Variants in TENM2 observed in about 807,000 individuals in gnomAD.
TENM2 encodes teneurin transmembrane protein 2, also known as teneurin-2.
TENM2 carries 52 observed loss-of-function variants against 245.2 expected under a neutral mutation model. That is an observed-to-expected ratio of 0.21 (90% CI 0.17 to 0.27). The LOEUF (loss-of-function observed/expected upper bound fraction) is 0.27. Ranked by LOEUF, TENM2 falls within the 10% of genes least tolerant of loss-of-function variation. The pLI, the probability that TENM2 is intolerant of heterozygous loss-of-function variation, is 1.00. For missense variants in TENM2, 3,046 were observed against 3,666.8 expected (o/e 0.83, Z 4.37); for synonymous variants, 1,363 against 1,438.9 (o/e 0.95, Z 1.19).
chr5:167,403,351 G>A (rs1012045089), intron 2 of TENM2, among the ~76,000 whole-genome samples: 19 of 151,574 alleles, frequency 1.3e-4, no homozygotes, highest in Non-Finnish European at 1.9e-4. Flanking sequence ...GCCTGAAGAC[G>A]AAACATAAAT....
chr5:167,974,964 G>C (rs1320314914), intron 4 of TENM2, among the ~76,000 whole-genome samples: 1 of 152,198 alleles, frequency 6.6e-6, no homozygotes, highest in African/African-American at 2.4e-5. Flanking sequence ...TTGAGAGCCA[G>C]AAAGGATCCC....
chr5:168,200,408 T>C (rs1554220606), intron 17 of TENM2, among the ~76,000 whole-genome samples: 1 of 152,206 alleles, frequency 6.6e-6, no homozygotes, highest in Non-Finnish European at 1.5e-5. Context: ...ACAACTGTGG[T>C]GAGCATTTAG....
chr5:167,496,558 ACTTTT>A (rs1255000165), intron 2 of TENM2, among the ~76,000 whole-genome samples: 7 of 152,114 alleles, frequency 4.6e-5, no homozygotes, highest in South Asian at 4.1e-4. Context: ...AAGGGTATCC[ACTTTT>A]CTTTTATTAG....
the TENM2 span, among the ~76,000 whole-genome samples, chr5:167,259,032 C>A: frequency 6.6e-6 from 1 of 152,146 alleles, no homozygotes; most frequent in Non-Finnish European, 1.5e-5. Context: ...AGTGCAGGGT[C>A]CCACTCCCAG....
chr5:167,562,389 AACAAT>A (rs1773650212), intron 2 of TENM2, among the ~76,000 whole-genome samples: 10 of 152,166 alleles, frequency 6.6e-5, no homozygotes, highest in Admixed American at 6.5e-4. Context: ...ATAATTGCAG[AACAAT>A]GGGGAGAATG....
chr5:168,048,860 A>G (rs752080020), intron 6 of TENM2, among the ~76,000 whole-genome samples: 1 of 152,238 alleles, frequency 6.6e-6, no homozygotes, highest in African/African-American at 2.4e-5. Context: ...AGTAAGCATG[A>G]AAAAGTTTTA....
At chr5:167,591,763 T>A (rs1775891074) in intron 2 of TENM2, among the ~76,000 whole-genome samples, 1 of 152,236 alleles carries the variant, frequency 6.6e-6, no homozygotes, top group Non-Finnish European at 1.5e-5. Context: ...GCCCTAACCC[T>A]ATTTCTGCAT....
chr5:168,103,848 G>A (rs1388876457), intron 9 of TENM2, among the ~76,000 whole-genome samples: 1 of 152,128 alleles, frequency 6.6e-6, no homozygotes. Flanking sequence ...GGCTTAAGAA[G>A]CAGCTGACTG....
intron 3 of TENM2, among the ~76,000 whole-genome samples, chr5:167,877,710 T>A (rs1773545401): frequency 6.6e-6 from 1 of 152,226 alleles, no homozygotes; most frequent in Non-Finnish European, 1.5e-5. Context: ...TCTTCAAATA[T>A]GATGTTAACT....
At chr5:167,254,217 G>C in the TENM2 span, among the ~76,000 whole-genome samples, 1 of 152,086 alleles carries the variant, frequency 6.6e-6, no homozygotes, top group Non-Finnish European at 1.5e-5. Flanking sequence ...GGGGAGAAAA[G>C]GTGAAAAGAG....
At chr5:167,329,284 G>A (rs1363787766) in intron 1 of TENM2, among the ~76,000 whole-genome samples, 1 of 151,714 alleles carries the variant, frequency 6.6e-6, no homozygotes, top group East Asian at 1.9e-4. Flanking sequence ...AGTGGCTCAC[G>A]CCTGTAATCT....
chr5:167,746,208 G>A (rs1761546372), intron 2 of TENM2, among the ~76,000 whole-genome samples: 1 of 152,064 alleles, frequency 6.6e-6, no homozygotes, highest in Non-Finnish European at 1.5e-5. Context: ...AAAAAAGCAG[G>A]CATTTCCACG....
intron 9 of TENM2, among the ~76,000 whole-genome samples, chr5:168,107,075 G>A (rs1038117265): frequency 6.6e-6 from 1 of 151,928 alleles, no homozygotes; most frequent in East Asian, 1.9e-4. Context: ...GAAAGAGAGA[G>A]AGAAATCTTC....
intron 1 of TENM2, among the ~76,000 whole-genome samples, chr5:167,346,615 T>A (rs1758470975): frequency 6.6e-6 from 1 of 152,190 alleles, no homozygotes. Context: ...GTGACGGTTC[T>A]GAGATTTCAC....
At chr5:167,872,544 GAAAGAGAAAGAA>G (rs1249541653) in intron 2 of TENM2, among the ~76,000 whole-genome samples, 225 of 48,686 alleles carry the variant, frequency 4.6e-3, no homozygotes, top group Admixed American at 4.5e-3. Flanking sequence ...AAGAAAGAAA[GAAAGAGAAAGAA>G]AGAAAGAAAG....
intron 1 of TENM2, among the ~76,000 whole-genome samples, chr5:167,337,415 A>G (rs1757845558): frequency 1.3e-5 from 2 of 152,332 alleles, no homozygotes; most frequent in Admixed American, 6.5e-5. Flanking sequence ...TAACTATATA[A>G]CACAATAAGT....
chr5:167,828,403 C>A (rs140928526), intron 2 of TENM2, among the ~76,000 whole-genome samples: 3 of 152,266 alleles, frequency 2.0e-5, no homozygotes, highest in African/African-American at 7.2e-5. Context: ...ACCTGTCACA[C>A]CATTTTAAGC....
intron 2 of TENM2, among the ~76,000 whole-genome samples, chr5:167,617,780 C>T (rs1025543652): frequency 3.3e-5 from 5 of 152,050 alleles, no homozygotes; most frequent in South Asian, 2.1e-4. Flanking sequence ...AAGTCATGGA[C>T]GAATGGTTAA....
chr5:166,988,434 T>C, the TENM2 span, among the ~76,000 whole-genome samples: 2 of 152,240 alleles, frequency 1.3e-5, no homozygotes, highest in African/African-American at 4.8e-5. Context: ...GAATGCAGTC[T>C]TTTTGATGAG....
Sources: allele counts gnomAD v4.1 joint callset (sites outside exome capture counted in the v4.1 genomes callset), GRCh38; gene constraint gnomAD v4.1.1; transcripts MANE v1.5; gene names NCBI Gene and HGNC (gene_info 2026-07-23, HGNC 2026-07-21).